The following GALNT17 variants were observed in gnomAD, a reference collection of about 807,000 sequenced individuals.
The protein encoded by GALNT17 is UDP-GalNAc:polypeptide N-acetylgalactosaminyltransferase-like 3.
GALNT17 carries 29 observed loss-of-function variants against 63.7 expected under a neutral mutation model. The ratio of observed to expected loss-of-function variants is 0.46; its 90% CI spans 0.34 to 0.62. The LOEUF is 0.62. Ranked by LOEUF, GALNT17 falls within the 20% of genes least tolerant of loss-of-function variation. The pLI, the probability that GALNT17 is intolerant of heterozygous loss-of-function variation, is 0.01. For missense variants in GALNT17, 603 were observed against 799.6 expected (o/e 0.75, Z 2.97); for synonymous variants, 305 against 318.3 (o/e 0.96, Z 0.45).
intron 8 of GALNT17, among the ~76,000 whole-genome samples, chr7:71,674,795 G>A (rs572623371): frequency 6.6e-6 from 1 of 152,286 alleles, no homozygotes; most frequent in African/African-American, 2.4e-5. Flanking sequence ...GGGATTACAG[G>A]CGTGAGCCAC....
At chr7:71,420,086 G>A (rs1242357744) in intron 4 of GALNT17, among the ~76,000 whole-genome samples, 5 of 152,142 alleles carry the variant, frequency 3.3e-5, no homozygotes, top group East Asian at 1.9e-4. Flanking sequence ...CCTGGCTTAG[G>A]AGAGCCATCT....
intron 2 of GALNT17, among the ~76,000 whole-genome samples, chr7:71,368,259 G>A (rs2116261003): frequency 6.6e-6 from 1 of 152,350 alleles, no homozygotes; most frequent in Middle Eastern, 3.4e-3. Context: ...GGAGGATCAA[G>A]TCTGAATTTT....
At chr7:71,608,059 C>A (rs1790072166) in intron 6 of GALNT17, among the ~76,000 whole-genome samples, 1 of 152,206 alleles carries the variant, frequency 6.6e-6, no homozygotes, top group Non-Finnish European at 1.5e-5. Context: ...ATCCCACTTA[C>A]ATGACATAGG....
At chr7:71,415,006 G>C (rs2906265) in intron 3 of GALNT17, among the ~76,000 whole-genome samples, 2 of 151,404 alleles carry the variant, frequency 1.3e-5, no homozygotes, top group Non-Finnish European at 2.9e-5. Context: ...AATGCCTTTA[G>C]TTTTATTTAT....
chr7:71,458,842 T>C (rs2116573646), intron 5 of GALNT17, among the ~76,000 whole-genome samples: 1 of 152,210 alleles, frequency 6.6e-6, no homozygotes, highest in Middle Eastern at 3.4e-3. Context: ...GGGTCTTCTG[T>C]TCGTCTGCTC....
At chr7:71,432,020 C>T (rs950399169) in intron 5 of GALNT17, among the ~76,000 whole-genome samples, 11 of 152,060 alleles carry the variant, frequency 7.2e-5, no homozygotes, top group Non-Finnish European at 1.5e-4. Context: ...ACTAAAAATA[C>T]AAAAAGTAGC....
chr7:71,163,867 A>G (rs1308547804), intron 1 of GALNT17, among the ~76,000 whole-genome samples: 1 of 152,228 alleles, frequency 6.6e-6, no homozygotes, highest in African/African-American at 2.4e-5. Flanking sequence ...TATGGGATTC[A>G]GCACATTTTA....
At chr7:71,562,489 G>A (rs1428712516) in intron 5 of GALNT17, among the ~76,000 whole-genome samples, 5 of 152,294 alleles carry the variant, frequency 3.3e-5, no homozygotes, top group African/African-American at 1.2e-4. Flanking sequence ...CCCATCTGGG[G>A]GTGATGGGAG....
At chr7:71,234,560 G>A (rs1208675999) in intron 1 of GALNT17, among the ~76,000 whole-genome samples, 1 of 152,040 alleles carries the variant, frequency 6.6e-6, no homozygotes, top group Non-Finnish European at 1.5e-5. Flanking sequence ...CACCGCTCCC[G>A]ACCCATTGCA....
intron 3 of GALNT17, among the ~76,000 whole-genome samples, chr7:71,390,035 A>G (rs1269388179): frequency 6.6e-6 from 1 of 152,172 alleles, no homozygotes; most frequent in Admixed American, 6.5e-5. Flanking sequence ...TGCAAAATTC[A>G]GTGTGCTCAC....
At chr7:71,353,700 T>C (rs2116193513) in intron 2 of GALNT17, among the ~76,000 whole-genome samples, 1 of 152,236 alleles carries the variant, frequency 6.6e-6, no homozygotes, top group Admixed American at 6.5e-5. Context: ...GAACAGCTAA[T>C]GAAGAAGGAA....
rs375474999 is a variant in GALNT17, at chr7:71,667,909, C to T, written c.1267-2063C>T. Among the ~76,000 whole-genome samples, 4 of 152,180 alleles carry T rather than the reference C, an allele frequency of 2.6e-5. No homozygotes were observed. In the East Asian group the frequency reaches 5.8e-4, roughly 22 times the overall value. ...CCGTCTCCCAGGTTCAAGCCATCCT[C>T]CCACCTCAGCCTCCTGAGTAGCTGG... is the stretch of plus-strand genomic sequence containing the variant. On this transcript the variant is annotated intron_variant, in intron 7 of 10. Coordinates refer to ENST00000333538, the MANE Select transcript of GALNT17 (RefSeq NM_022479.3).
At chr7:71,399,961 CT>C (rs1337078603) in intron 3 of GALNT17, among the ~76,000 whole-genome samples, 4 of 152,048 alleles carry the variant, frequency 2.6e-5, no homozygotes, top group African/African-American at 9.7e-5. Flanking sequence ...GAGTATTTAT[CT>C]TTGTCTTATT....
intron 1 of GALNT17, among the ~76,000 whole-genome samples, chr7:71,316,191 CTG>C (rs1791495732): frequency 1.7e-5 from 1 of 60,572 alleles, no homozygotes; most frequent in Non-Finnish European, 5.0e-5. Context: ...GCCTGGGGTC[CTG>C]ATCTGTGGGT....
At position 71,572,290 on chromosome 7, in the gene GALNT17, C is replaced by A. The variant is rs1789456448; in HGVS notation, c.1080+888C>A. Among the ~76,000 whole-genome samples the A allele has an allele frequency of 2.0e-5, 3 of 150,806 alleles. No individual in the cohort carries two copies. In the East Asian group the frequency reaches 5.9e-4, roughly 29 times the overall value. On this transcript the variant is annotated intron_variant, in intron 6 of 10. Transcript: ENST00000333538. Reference sequence around the variant, plus strand: ...ACCAAATCAGGGGGGTCACTTGAGCCCAGGAGTTCAAAACCAGCCTGGGTG... The same window carrying A: ...ACCAAATCAGGGGGGTCACTTGAGCACAGGAGTTCAAAACCAGCCTGGGTG...
In GALNT17 at chr7:71,712,027, A is replaced by C. The variant is rs760166175; in HGVS notation, c.1678A>C (p.Ile560Leu). The C allele has an allele frequency of 3.7e-6, 6 of 1,613,636 alleles. No individual in the cohort carries two copies. The highest frequency in any genetic ancestry group is 2.7e-5 in the African/African-American group (2 of 74,874). The change falls in exon 11 of 11, where the codon ATC becomes CTC. Residue 560 changes from isoleucine to leucine, a missense_variant. This residue lies in a region of GALNT17 where 72 missense variants were observed against 76.9 expected (regional missense o/e 0.94). Coordinates refer to ENST00000333538, the MANE Select transcript of GALNT17 (RefSeq NM_022479.3). The part of the protein sequence containing the change: ...KRWNFIQNGA[I>L]MNKGTGRCLE... ...TTTTGCCCCCTCCCAGAATGGAGCCATCATGAACAAGGGCACGGGACGCTG... is the reference window on the plus strand; with the variant it reads ...TTTTGCCCCCTCCCAGAATGGAGCCCTCATGAACAAGGGCACGGGACGCTG...
chr7:71,298,711 G>GGTGTGTGT (rs10602909), intron 1 of GALNT17, among the ~76,000 whole-genome samples: 1,925 of 141,546 alleles, frequency 0.014, 43 homozygotes, highest in African/African-American at 0.046. Context: ...ATTCCAGTGG[G>GGTGTGTGT]GTGTGTGTGT....
At chr7:71,489,640 C>G (rs1231665720) in intron 5 of GALNT17, among the ~76,000 whole-genome samples, 2 of 152,372 alleles carry the variant, frequency 1.3e-5, no homozygotes, top group East Asian at 1.9e-4. Context: ...AGACCCAGCA[C>G]CAGCCAACGA....
chr7:71,653,047 T>C (rs1790777299), intron 6 of GALNT17, among the ~76,000 whole-genome samples: 1 of 151,948 alleles, frequency 6.6e-6, no homozygotes, highest in African/African-American at 2.4e-5. Context: ...GACAGAGTCT[T>C]GCTCTGTTGC....
Sources: gnomAD v4.1 joint callset for allele counts (sites outside exome capture counted in the v4.1 genomes callset) on GRCh38, gnomAD v4.1.1 for gene constraint, gnomAD v4.1.1 regional missense constraint, MANE v1.5 for transcripts, NCBI Gene and HGNC (gene_info 2026-07-23, HGNC 2026-07-21) for gene names.